LHFPL3: variants seen among roughly 807,000 people sequenced by gnomAD.
The protein encoded by LHFPL3 is LHFPL tetraspan subfamily member 3.
LHFPL3 carries 5 observed loss-of-function variants against 19.3 expected under a neutral mutation model. The ratio of observed to expected loss-of-function variants is 0.26; its 90% CI spans 0.14 to 0.54. The LOEUF is 0.54. Ranked by LOEUF, LHFPL3 falls within the 20% of genes least tolerant of loss-of-function variation. The pLI, the probability that LHFPL3 is intolerant of heterozygous loss-of-function variation, is 0.94. For missense variants in LHFPL3, 249 were observed against 307.4 expected, an observed-to-expected ratio of 0.81 and a Z score of 1.42; for synonymous variants, 133 against 126.2, an observed-to-expected ratio of 1.05 and a Z score of -0.36.
chr7:104,811,220 G>A (rs1281177334), intron 2 of LHFPL3, among the ~76,000 whole-genome samples: 1 of 140,234 alleles, frequency 7.1e-6, no homozygotes, highest in African/African-American at 2.7e-5. Context: ...TTTGACACAG[G>A]GTCTCCCTCT....
intron 1 of LHFPL3, among the ~76,000 whole-genome samples, chr7:104,696,046 G>C (rs1021041162): frequency 6.6e-6 from 1 of 152,120 alleles, no homozygotes; most frequent in African/African-American, 2.4e-5. Flanking sequence ...CGCCTCCTGG[G>C]TTCCAGCGAT....
chr7:104,631,904 T>G (rs1180337583), intron 1 of LHFPL3, among the ~76,000 whole-genome samples: 1 of 152,148 alleles, frequency 6.6e-6, no homozygotes, highest in African/African-American at 2.4e-5. Flanking sequence ...GGAAGAAACC[T>G]TCAGGAATAA....
intron 1 of LHFPL3, among the ~76,000 whole-genome samples, chr7:104,493,408 C>T (rs1793395602): frequency 6.6e-6 from 1 of 151,882 alleles, no homozygotes; most frequent in African/African-American, 2.4e-5. Context: ...TCATTGTCTT[C>T]TCTCTGTGAT....
chr7:104,412,356 A>G lies in LHFPL3; in HGVS notation c.445+83132A>G, dbSNP rs1022799966. ...CACCCAAAACTCCTGCTCTTTAACA[A>G]TCCACCCCATACCCCTTCCTTCTGT... On this transcript the variant is annotated intron_variant, in intron 1 of 2. Transcript: ENST00000424859. 3.3e-5 allele frequency among the ~76,000 whole-genome samples: 5 copies of G among 151,936 alleles called. No homozygotes were observed. In the East Asian group the frequency reaches 9.7e-4, roughly 29 times the overall value.
intron 2 of LHFPL3, among the ~76,000 whole-genome samples, chr7:104,763,821 G>C (rs1794414275): frequency 6.6e-6 from 1 of 152,204 alleles, no homozygotes; most frequent in South Asian, 2.1e-4. Context: ...CCTAGAGCCT[G>C]CTCTTCTCCC....
intron 1 of LHFPL3, among the ~76,000 whole-genome samples, chr7:104,353,250 C>A (rs1252695312): frequency 6.6e-6 from 1 of 152,076 alleles, no homozygotes; most frequent in African/African-American, 2.4e-5. Context: ...TGGGAAAATT[C>A]ACATATTAAA....
intron 1 of LHFPL3, among the ~76,000 whole-genome samples, chr7:104,460,679 C>T (rs1452237699): frequency 6.6e-6 from 1 of 151,996 alleles, no homozygotes; most frequent in Non-Finnish European, 1.5e-5. Flanking sequence ...GTCCTTTGCC[C>T]ACTTTTTTAA....
chr7:104,729,316 CAG>C (rs758929863), intron 1 of LHFPL3, among the ~76,000 whole-genome samples: 2 of 152,178 alleles, frequency 1.3e-5, no homozygotes, highest in Middle Eastern at 6.8e-3. Flanking sequence ...AAAATTAAAA[CAG>C]AATAGTATAT....
intron 2 of LHFPL3, among the ~76,000 whole-genome samples, chr7:104,744,459 T>C (rs575008217): frequency 9.7e-4 from 148 of 152,356 alleles, no homozygotes; most frequent in Middle Eastern, 6.8e-3. Context: ...CATCAAAGCA[T>C]CTCAGAATGT....
intron 1 of LHFPL3, among the ~76,000 whole-genome samples, chr7:104,523,062 CATAT>C (rs1433160685): frequency 6.7e-6 from 1 of 149,542 alleles, no homozygotes; most frequent in Non-Finnish European, 1.5e-5. Context: ...TACATATACA[CATAT>C]ATATACACAT....
chr7:104,501,846 G>A (rs1405636028), intron 1 of LHFPL3, among the ~76,000 whole-genome samples: 10 of 152,194 alleles, frequency 6.6e-5, no homozygotes. Context: ...CTCTGCGATT[G>A]AATTAGCAGT....
At chr7:104,331,158 T>A (rs150004582) in intron 1 of LHFPL3, among the ~76,000 whole-genome samples, 1 of 152,166 alleles carries the variant, frequency 6.6e-6, no homozygotes, top group African/African-American at 2.4e-5. Flanking sequence ...CATTACAAGG[T>A]TTTTTTGTTT....
In LHFPL3 at chr7:104,328,670, A is replaced by T; in HGVS notation, c.-110A>T. 1.1e-6 allele frequency: 1 copy of T among 905,870 alleles called. No individual in the cohort carries two copies. The highest frequency in any genetic ancestry group is 1.6e-5 in the South Asian group (1 of 63,400). 56.1% of individuals were successfully genotyped at this position (905,870 alleles called of 1,614,324 possible). On this transcript the variant is annotated 5_prime_UTR_variant, in exon 1 of 3. Coordinates refer to ENST00000424859, the MANE Select transcript of LHFPL3 (RefSeq NM_199000.3). The surrounding 1 kb of genome is among the most constrained non-coding windows in gnomAD (Gnocchi z 4.6). ...AACTGGTGCTGCTGGGCTGAGGCGG[A>T]GGCAGGGGAGTTGCAGCGCGCGAGG...
intron 1 of LHFPL3, among the ~76,000 whole-genome samples, chr7:104,569,872 G>A (rs1027612328): frequency 6.6e-6 from 1 of 152,106 alleles, no homozygotes; most frequent in Non-Finnish European, 1.5e-5. Flanking sequence ...TGACACCAGA[G>A]GCTATATGCT....
chr7:104,652,041 G>A (rs562858102), intron 1 of LHFPL3, among the ~76,000 whole-genome samples: 1 of 152,198 alleles, frequency 6.6e-6, no homozygotes, highest in Non-Finnish European at 1.5e-5. Context: ...GAGGAGAGAG[G>A]CATCTGAGTT....
intron 1 of LHFPL3, among the ~76,000 whole-genome samples, chr7:104,396,893 C>A (rs1162809156): frequency 6.6e-6 from 1 of 151,974 alleles, no homozygotes; most frequent in African/African-American, 2.4e-5. Flanking sequence ...TCACTTGAGT[C>A]TAGGAGGCTG....
intron 2 of LHFPL3, among the ~76,000 whole-genome samples, chr7:104,864,030 C>A (rs914261778): frequency 6.6e-6 from 1 of 152,200 alleles, no homozygotes; most frequent in East Asian, 1.9e-4. Context: ...CACTGTATAA[C>A]TGTTAGCTAT....
At position 104,833,033 on chromosome 7, in the gene LHFPL3, ATATATATATATTATATATATATT is replaced by A. The variant is rs1790995586; in HGVS notation, c.683-73153_683-73131del. Among the ~76,000 whole-genome samples the A allele has an allele frequency of 2.8e-3, 4 of 1,414 alleles. 1 individual carries two copies. Among genetic ancestry groups the A allele is most frequent in the Non-Finnish European group, 7.9e-3 (4 of 504 alleles). 0.9% of individuals were successfully genotyped at this position (1,414 alleles called of 152,430 possible). On this transcript the variant is annotated intron_variant, in intron 2 of 2. Transcript: ENST00000424859. ...ATATATTATATATAATAGATATATT[ATATATATATATTATATATATATT>A]ATATATAATATATATATTATATATA... is the stretch of plus-strand genomic sequence containing the variant.
intron 1 of LHFPL3, among the ~76,000 whole-genome samples, chr7:104,395,848 CT>C (rs1791172786): frequency 6.6e-6 from 1 of 152,270 alleles, no homozygotes; most frequent in East Asian, 1.9e-4. Flanking sequence ...TTTATTTAGA[CT>C]TTGCAACACT....
Sources: allele counts gnomAD v4.1 joint callset (sites outside exome capture counted in the v4.1 genomes callset), GRCh38; gene constraint gnomAD v4.1.1; non-coding constraint Gnocchi (gnomAD v3.1); transcripts MANE v1.5; gene names NCBI Gene and HGNC (gene_info 2026-07-23, HGNC 2026-07-21).